The following SH3PXD2A variants were observed in gnomAD, a reference collection of about 807,000 sequenced individuals.
SH3PXD2A encodes the protein SH3 and PX domains 2A, also known as SH3 and PX domain-containing protein 2A.
In SH3PXD2A, 32 loss-of-function variants were observed where a neutral mutation model predicts 115.2. The observed-to-expected ratio is 0.28, with a 90% confidence interval of 0.21 to 0.37. SH3PXD2A has a LOEUF of 0.37. SH3PXD2A is among the 10% of genes least tolerant of loss of function. The pLI is 1.00. For missense variants in SH3PXD2A, 1,328 were observed against 1,498.7 expected, an observed-to-expected ratio of 0.89 and a Z score of 1.88; for synonymous variants, 610 against 629.1, an observed-to-expected ratio of 0.97 and a Z score of 0.45.
chr10:103,771,521 G>A (rs11191800), intron 2 of SH3PXD2A, among the ~76,000 whole-genome samples: 23,141 of 152,022 alleles, frequency 0.15, 1,993 homozygotes, highest in East Asian at 0.29. Flanking sequence ...GGAGGACAAG[G>A]CAGGAGGACT....
chr10:103,816,548 G>A (rs115622527), intron 1 of SH3PXD2A, among the ~76,000 whole-genome samples: 280 of 152,258 alleles, frequency 1.8e-3, no homozygotes, highest in African/African-American at 6.5e-3. Flanking sequence ...TGCATACACC[G>A]TGGGTAGGAA....
intron 3 of SH3PXD2A, among the ~76,000 whole-genome samples, chr10:103,764,553 C>T (rs1424826445): frequency 6.6e-6 from 1 of 152,206 alleles, no homozygotes; most frequent in Non-Finnish European, 1.5e-5. Flanking sequence ...CCATGCTTGA[C>T]TTTTCCCAGT....
chr10:103,625,493 C>T (rs2036677986), intron 9 of SH3PXD2A, among the ~76,000 whole-genome samples: 1 of 152,252 alleles, frequency 6.6e-6, no homozygotes. Context: ...GCCATAGCCA[C>T]AGGGTCCTCC....
chr10:103,616,672 A>C (rs1160418460), intron 11 of SH3PXD2A, among the ~76,000 whole-genome samples: 1 of 152,226 alleles, frequency 6.6e-6, no homozygotes, highest in Non-Finnish European at 1.5e-5. Context: ...CCAGCCCTGC[A>C]GATTGGACAG....
intron 1 of SH3PXD2A, among the ~76,000 whole-genome samples, chr10:103,812,223 C>T (rs188881365): frequency 1.3e-5 from 2 of 152,346 alleles, no homozygotes; most frequent in Admixed American, 1.3e-4. Context: ...GTCTGATCAC[C>T]TCGAGCCAGC....
intron 8 of SH3PXD2A, among the ~76,000 whole-genome samples, chr10:103,654,221 C>T (rs1271410120): frequency 2.0e-5 from 3 of 152,180 alleles, no homozygotes; most frequent in African/African-American, 7.2e-5. Flanking sequence ...ACCCTTCTTC[C>T]TGCTGGACTC....
In SH3PXD2A at chr10:103,801,356, T is replaced by C. The variant is rs1190371040; in HGVS notation, c.79A>G (p.Ile27Val). The change falls in exon 2 of 15, where the codon ATA (isoleucine) becomes GTA (valine). Residue 27 changes from isoleucine (I) to valine (V), a missense_variant. By Grantham distance (29) the Ile-to-Val change is conservative (BLOSUM62 3). Around this residue, in one of 5 missense-constraint regions of SH3PXD2A, gnomAD observed 110 missense variants for 160.0 expected, o/e 0.69. Transcript: ENST00000369774. Reference protein sequence around the residue: ...RRNPSKHYVYIINVTWSDSTS... With the variant: ...RRNPSKHYVYVINVTWSDSTS... ...GAGTCAGACCAGGTCACATTGATTA[T>C]GTATACCTGTGGGAAAAAGGTAAGA... The C allele has an allele frequency of 6.9e-6, 11 of 1,602,950 alleles. No individual in the cohort carries two copies. The highest frequency in any genetic ancestry group is 3.3e-5 in the Admixed American group (2 of 59,984).
chr10:103,816,997 A>ATTTTT (rs56260224), intron 1 of SH3PXD2A, among the ~76,000 whole-genome samples: 5 of 99,588 alleles, frequency 5.0e-5, no homozygotes, highest in Non-Finnish European at 5.8e-5. Flanking sequence ...CACCCGGCTA[A>ATTTTT]TTTTTTTTTT....
chr10:103,747,317 T>TAA (rs2038516023), intron 3 of SH3PXD2A, among the ~76,000 whole-genome samples: 1 of 152,140 alleles, frequency 6.6e-6, no homozygotes, highest in African/African-American at 2.4e-5. Context: ...GGCCAAGCTG[T>TAA]ACCCCCTCCA....
chr10:103,685,337 C>CAAAAAAAAAAAAAAAAAAAAAAAAAAAA, intron 6 of SH3PXD2A, among the ~76,000 whole-genome samples: 1 of 56,390 alleles, frequency 1.8e-5, no homozygotes, highest in Non-Finnish European at 3.3e-5. Flanking sequence ...AACTCTGTCT[C>CAAAAAAAAAAAAAAAAAAAAAAAAAAAA]AAAAAAAAAA....
chr10:103,692,925 A>G (rs576784357), intron 6 of SH3PXD2A, 103 bp downstream of exon 6: 3 of 908,194 alleles, frequency 3.3e-6, no homozygotes, highest in African/African-American at 3.4e-5. Flanking sequence ...TGCAAGGACA[A>G]CCCCCCCCTC....
chr10:103,791,760 T>C (rs895968318), intron 2 of SH3PXD2A, among the ~76,000 whole-genome samples: 1 of 151,632 alleles, frequency 6.6e-6, no homozygotes, highest in East Asian at 1.9e-4. Flanking sequence ...ACCCACAAGG[T>C]TGGGAAACTG....
intron 1 of SH3PXD2A, among the ~76,000 whole-genome samples, chr10:103,815,678 C>T (rs2039317079): frequency 6.6e-6 from 1 of 151,494 alleles, no homozygotes; most frequent in African/African-American, 2.4e-5. Flanking sequence ...ATCACGGAGT[C>T]AGGAGTTCGA....
intron 5 of SH3PXD2A, among the ~76,000 whole-genome samples, chr10:103,695,159 G>A (rs975728907): frequency 6.6e-6 from 1 of 152,166 alleles, no homozygotes; most frequent in African/African-American, 2.4e-5. Flanking sequence ...GCTGGTCCTG[G>A]CAGGAGAAGC....
intron 13 of SH3PXD2A, among the ~76,000 whole-genome samples, chr10:103,608,089 A>G (rs2036354625): frequency 6.9e-6 from 1 of 145,942 alleles, no homozygotes; most frequent in African/African-American, 2.6e-5. Flanking sequence ...CCTTCCCTCC[A>G]CTATTGTCCT....
At chr10:103,634,958 C>G (rs773405846) in intron 8 of SH3PXD2A, among the ~76,000 whole-genome samples, 5 of 152,054 alleles carry the variant, frequency 3.3e-5, no homozygotes, top group Non-Finnish European at 7.3e-5. Flanking sequence ...AGCTATTATC[C>G]ACATGGCGGT....
Position 103,735,816 on chromosome 10 carries a change from A to T in SH3PXD2A, c.230-8T>A, listed in dbSNP as rs2038373381. The T allele has an allele frequency of 6.2e-7, 1 of 1,612,208 alleles. No homozygotes were observed. Among genetic ancestry groups the T allele is most frequent in the African/African-American group, 1.3e-5 (1 of 74,878 alleles). ...TGCGGAAGAGGATCTTGCCTGGAAG[A>T]GAGATGCTCATGAGTGGGGGATTCT... On this transcript the variant is annotated splice_polypyrimidine_tract_variant and splice_region_variant and intron_variant, in intron 3 of 14. Coordinates refer to ENST00000369774, the MANE Select transcript of SH3PXD2A (RefSeq NM_001394015.1).
intron 1 of SH3PXD2A, among the ~76,000 whole-genome samples, chr10:103,825,957 G>A (rs910483441): frequency 1.2e-4 from 19 of 152,074 alleles, no homozygotes; most frequent in African/African-American, 4.3e-4. Flanking sequence ...TAGAGATAGG[G>A]TTTCACCATG....
At chr10:103,623,742 A>G (rs1039312040) in intron 9 of SH3PXD2A, among the ~76,000 whole-genome samples, 5 of 152,196 alleles carry the variant, frequency 3.3e-5, no homozygotes, top group Non-Finnish European at 5.9e-5. Context: ...TCTGTCTTAC[A>G]GTGACACCAC....
Sources: gnomAD v4.1 joint callset for allele counts (sites outside exome capture counted in the v4.1 genomes callset) on GRCh38, gnomAD v4.1.1 for gene constraint, gnomAD v4.1.1 regional missense constraint, MANE v1.5 for transcripts, NCBI Gene and HGNC (gene_info 2026-07-23, HGNC 2026-07-21) for gene names.